Variants in CNTN5 observed in about 807,000 individuals in gnomAD.
CNTN5 encodes the protein contactin 5.
In CNTN5, 77 loss-of-function variants were observed where a neutral mutation model predicts 129.1. The ratio of observed to expected loss-of-function variants is 0.60; its 90% CI spans 0.50 to 0.72. The LOEUF is 0.72. Ranked by LOEUF, CNTN5 falls within the 30% of genes least tolerant of loss-of-function variation. The pLI is 0.00. For synonymous variants in CNTN5, 509 were observed against 465.6 expected (o/e 1.09, Z -1.20); for missense variants, 1,478 against 1,328.8 (o/e 1.11, Z -1.75).
At chr11:100,096,090 A>C (rs1424905483) in intron 13 of CNTN5, among the ~76,000 whole-genome samples, 1 of 152,058 alleles carries the variant, frequency 6.6e-6, no homozygotes, top group East Asian at 1.9e-4. Flanking sequence ...AGTTAGAAGG[A>C]TCCTTTGCTT....
At chr11:99,890,405 C>G (rs1231016284) in intron 6 of CNTN5, among the ~76,000 whole-genome samples, 1 of 151,494 alleles carries the variant, frequency 6.6e-6, no homozygotes, top group Non-Finnish European at 1.5e-5. Flanking sequence ...ATATCAGTAT[C>G]AATTCATAGA....
chr11:99,996,379 C>T (rs1003220199), intron 8 of CNTN5, among the ~76,000 whole-genome samples: 4 of 152,122 alleles, frequency 2.6e-5, no homozygotes, highest in African/African-American at 9.7e-5. Context: ...AGATTAAAGT[C>T]TAAATGTTTT....
At chr11:99,232,845 AT>A (rs1239979128) in intron 1 of CNTN5, among the ~76,000 whole-genome samples, 4 of 152,172 alleles carry the variant, frequency 2.6e-5, no homozygotes, top group Non-Finnish European at 5.9e-5. Context: ...TCCCTACATG[AT>A]TTCCCAATTG....
chr11:99,766,060 G>A (rs1332228591), intron 3 of CNTN5, among the ~76,000 whole-genome samples: 2 of 151,886 alleles, frequency 1.3e-5, no homozygotes, highest in Admixed American at 1.3e-4. Context: ...GTAATCAAAT[G>A]TTATTGCAAA....
At chr11:99,961,129 C>T (rs189858519) in intron 8 of CNTN5, among the ~76,000 whole-genome samples, 138 of 139,336 alleles carry the variant, frequency 9.9e-4, no homozygotes, top group Middle Eastern at 3.9e-3. Flanking sequence ...CTCTGGAACC[C>T]GGGAGGCGGA....
chr11:99,797,718 G>A (rs1301842), intron 3 of CNTN5, among the ~76,000 whole-genome samples: 141,110 of 152,208 alleles, frequency 0.93, 65,448 homozygotes, highest in Admixed American at 0.94. Flanking sequence ...ATTTTCTCCC[G>A]TTCTGCAGGT....
chr11:99,033,252 C>T (rs1863498813), intron 1 of CNTN5, among the ~76,000 whole-genome samples: 1 of 151,796 alleles, frequency 6.6e-6, no homozygotes, highest in Non-Finnish European at 1.5e-5. Flanking sequence ...GCAATGCGGG[C>T]TCTTTTTTGG....
At chr11:99,911,438 G>T (rs1949656126) in intron 6 of CNTN5, among the ~76,000 whole-genome samples, 1 of 151,888 alleles carries the variant, frequency 6.6e-6, no homozygotes, top group South Asian at 2.1e-4. Context: ...ATAAGTCCAG[G>T]AGACAAATCA....
intron 7 of CNTN5, among the ~76,000 whole-genome samples, chr11:99,919,657 G>A (rs1949886394): frequency 6.6e-6 from 1 of 151,752 alleles, no homozygotes; most frequent in Non-Finnish European, 1.5e-5. Context: ...ATGAGTTTTG[G>A]TACATTTATA....
intron 8 of CNTN5, among the ~76,000 whole-genome samples, chr11:99,987,157 G>A (rs961148751): frequency 1.3e-5 from 2 of 151,984 alleles, no homozygotes; most frequent in Non-Finnish European, 2.9e-5. Context: ...CACATATATA[G>A]TTGATAACAA....
At chr11:99,139,336 G>A (rs191839069) in intron 1 of CNTN5, among the ~76,000 whole-genome samples, 2 of 152,238 alleles carry the variant, frequency 1.3e-5, no homozygotes, top group Non-Finnish European at 2.9e-5. Flanking sequence ...CTTTGGCAGA[G>A]AAACTTGCAA....
rs531880139 is a variant in CNTN5 at position 100,035,095 on chromosome 11, A to G, written c.981-26117A>G. On this transcript the variant is annotated intron_variant, in intron 9 of 24. Transcript: ENST00000524871. ...ATTAACTCGTCATTTAGCATGAGGT[A>G]TACCTCCTAATGCTATCCCTCCCCA... Among the ~76,000 whole-genome samples the G allele has an allele frequency of 2.0e-5, 3 of 152,198 alleles. No homozygotes were observed. The South Asian group carries it at 6.2e-4, about 32-fold the overall frequency.
At chr11:99,883,970 C>T (rs918437404) in intron 6 of CNTN5, among the ~76,000 whole-genome samples, 1 of 152,158 alleles carries the variant, frequency 6.6e-6, no homozygotes, top group Non-Finnish European at 1.5e-5. Context: ...TTTTAAATCA[C>T]TGGTAAAAAT....
intron 21 of CNTN5, among the ~76,000 whole-genome samples, chr11:100,316,846 A>G (rs1951581946): frequency 6.6e-6 from 1 of 152,192 alleles, no homozygotes; most frequent in Non-Finnish European, 1.5e-5. Flanking sequence ...ATTTTGTAGC[A>G]GGAGTTTAAG....
intron 16 of CNTN5, among the ~76,000 whole-genome samples, chr11:100,245,064 T>G (rs955790335): frequency 2.9e-4 from 44 of 152,094 alleles, no homozygotes; most frequent in Non-Finnish European, 7.4e-5. Context: ...CAAATTGACT[T>G]AAACAATAAA....
intron 7 of CNTN5, among the ~76,000 whole-genome samples, chr11:99,929,268 C>A (rs1335851363): frequency 6.6e-6 from 1 of 152,170 alleles, no homozygotes; most frequent in African/African-American, 2.4e-5. Context: ...GTCTTCTGAG[C>A]CCTCTAAGTC....
intron 3 of CNTN5, among the ~76,000 whole-genome samples, chr11:99,647,130 C>A (rs952880690): frequency 6.6e-6 from 1 of 152,036 alleles, no homozygotes; most frequent in Admixed American, 6.6e-5. Flanking sequence ...AAGCATTTCC[C>A]CTATGTTTTC....
intron 7 of CNTN5, among the ~76,000 whole-genome samples, chr11:99,940,138 A>G (rs1950403161): frequency 6.6e-6 from 1 of 152,134 alleles, no homozygotes; most frequent in East Asian, 1.9e-4. Context: ...AGTGACGCTA[A>G]TACACATCTG....
At chr11:99,239,389 G>T (rs1861428749) in intron 1 of CNTN5, among the ~76,000 whole-genome samples, 1 of 152,176 alleles carries the variant, frequency 6.6e-6, no homozygotes, top group Non-Finnish European at 1.5e-5. Context: ...GGTTTTAAAA[G>T]TTTAGTCTCG....
Sources: gnomAD v4.1 joint callset for allele counts (sites outside exome capture counted in the v4.1 genomes callset) on GRCh38, gnomAD v4.1.1 for gene constraint, MANE v1.5 for transcripts, NCBI Gene and HGNC (gene_info 2026-07-23, HGNC 2026-07-21) for gene names.